DIP2B: variants seen among roughly 807,000 people sequenced by gnomAD.
The protein encoded by DIP2B is disco-interacting protein 2 homolog B.
DIP2B carries 76 observed loss-of-function variants against 198.0 expected under a neutral mutation model. The observed-to-expected ratio is 0.38, with a 90% CI of 0.32 to 0.46. The LOEUF is 0.46. Among genes scored for constraint, DIP2B ranks in the 20% least tolerant of loss-of-function variants. DIP2B has a pLI of 0.99. For missense variants in DIP2B, 1,559 were observed against 1,978.4 expected (o/e 0.79, Z 4.02); for synonymous variants, 701 against 739.1 (o/e 0.95, Z 0.84).
chr12:50,711,771 G>T (rs1939620959), intron 22 of DIP2B, among the ~76,000 whole-genome samples: 1 of 152,110 alleles, frequency 6.6e-6, no homozygotes, highest in South Asian at 2.1e-4. Context: ...CGCTGGCCAG[G>T]CTGGTCTCAA....
intron 3 of DIP2B, among the ~76,000 whole-genome samples, chr12:50,641,513 T>C (rs1455610977): frequency 3.9e-5 from 6 of 152,202 alleles, no homozygotes; most frequent in Admixed American, 1.3e-4. Context: ...GTGGATTCTA[T>C]TGGAAGAGGC....
chr12:50,602,669 G>A (rs1436441036), intron 1 of DIP2B, among the ~76,000 whole-genome samples: 1 of 151,890 alleles, frequency 6.6e-6, no homozygotes. Context: ...GACCATCCTG[G>A]CCAACATGGT....
chr12:50,513,257 TCACTC>T (rs1012717661), intron 1 of DIP2B, among the ~76,000 whole-genome samples: 2 of 152,184 alleles, frequency 1.3e-5, no homozygotes, highest in Non-Finnish European at 2.9e-5. Context: ...AAGTAAGCCT[TCACTC>T]CATCATCAGT....
chr12:50,559,403 A>G (rs986276615), intron 1 of DIP2B, among the ~76,000 whole-genome samples: 1 of 150,488 alleles, frequency 6.6e-6, no homozygotes, highest in Non-Finnish European at 1.5e-5. Flanking sequence ...TATTATACCA[A>G]TTTTATCTCA....
intron 1 of DIP2B, among the ~76,000 whole-genome samples, chr12:50,518,771 T>C (rs1958089279): frequency 6.7e-6 from 1 of 150,162 alleles, no homozygotes; most frequent in African/African-American, 2.4e-5. Flanking sequence ...GTTTGTTTTT[T>C]TGAGACAAGG....
chr12:50,545,180 G>A (rs915541764), intron 1 of DIP2B, among the ~76,000 whole-genome samples: 6 of 152,112 alleles, frequency 3.9e-5, no homozygotes, highest in South Asian at 4.1e-4. Context: ...TGGTCTTAGG[G>A]TATGCGAATG....
intron 5 of DIP2B, among the ~76,000 whole-genome samples, chr12:50,674,094 T>C (rs1198679314): frequency 1.3e-5 from 2 of 152,180 alleles, no homozygotes; most frequent in Non-Finnish European, 2.9e-5. Context: ...ACTGCAATAT[T>C]AGTAGCCAGT....
chr12:50,643,636 G>A, intron 3 of DIP2B, among the ~76,000 whole-genome samples: 1 of 152,080 alleles, frequency 6.6e-6, no homozygotes, highest in Admixed American at 6.5e-5. Context: ...ATTAGGAATT[G>A]CTCAACTAAA....
chr12:50,722,004 C>T (rs998564565), intron 26 of DIP2B, among the ~76,000 whole-genome samples: 6 of 103,926 alleles, frequency 5.8e-5, no homozygotes, highest in East Asian at 7.1e-4. Flanking sequence ...TTTCATATTA[C>T]GATTTAGTCT....
At chr12:50,703,650 C>T (rs1939461247) in intron 19 of DIP2B, among the ~76,000 whole-genome samples, 1 of 152,170 alleles carries the variant, frequency 6.6e-6, no homozygotes, top group African/African-American at 2.4e-5. Flanking sequence ...GCACAGAGTA[C>T]TCCATTAAGT....
intron 1 of DIP2B, among the ~76,000 whole-genome samples, chr12:50,589,525 G>A (rs968826251): frequency 6.6e-6 from 1 of 152,124 alleles, no homozygotes; most frequent in Non-Finnish European, 1.5e-5. Flanking sequence ...CCTTTCTGAA[G>A]AGGTGACATT....
chr12:50,640,679 C>T, intron 2 of DIP2B, 45 bp from the exon 3 acceptor site: 2 of 1,603,336 alleles, frequency 1.2e-6, no homozygotes, highest in South Asian at 2.2e-5. Flanking sequence ...AAAATGTTAG[C>T]TATTACTGTT....
chr12:50,564,966 T>C (rs12099615), intron 1 of DIP2B, among the ~76,000 whole-genome samples: 9,768 of 152,218 alleles, frequency 0.064, 734 homozygotes, highest in East Asian at 0.36. Context: ...TCTGCACGTA[T>C]TGAGGCCATT....
intron 1 of DIP2B, among the ~76,000 whole-genome samples, chr12:50,523,302 T>C (rs1266428878): frequency 6.6e-6 from 1 of 152,154 alleles, no homozygotes; most frequent in Non-Finnish European, 1.5e-5. Context: ...GAAAATACTA[T>C]GTCAATAGTT....
chr12:50,728,257 T>C (rs900626619), intron 29 of DIP2B, among the ~76,000 whole-genome samples: 1 of 151,950 alleles, frequency 6.6e-6, no homozygotes, highest in Non-Finnish European at 1.5e-5. Context: ...TGCGTGCCTG[T>C]AATCCCAGCT....
intron 2 of DIP2B, among the ~76,000 whole-genome samples, chr12:50,639,873 C>G (rs970148040): frequency 1.3e-5 from 2 of 152,098 alleles, no homozygotes; most frequent in African/African-American, 4.8e-5. Flanking sequence ...TATGGGACAT[C>G]TAAGAGAGTC....
chr12:50,646,968 T>A (rs555206744), intron 3 of DIP2B, among the ~76,000 whole-genome samples: 57 of 151,528 alleles, frequency 3.8e-4, no homozygotes, highest in African/African-American at 1.3e-3. Context: ...ACTTCCTATA[T>A]TTTGAGAAAA....
At chr12:50,704,291 A>G in intron 20 of DIP2B, 71 bp downstream of exon 20, 1 of 1,473,524 alleles carries the variant, frequency 6.8e-7, no homozygotes, top group Non-Finnish European at 9.3e-7. Context: ...ACAGAACAGA[A>G]CAAATTCTGA....
At chr12:50,708,409 G>A (rs1330430368) in intron 21 of DIP2B, 39 bp from the exon 22 acceptor site, 66 of 1,531,996 alleles carry the variant, frequency 4.3e-5, no homozygotes, top group Non-Finnish European at 5.8e-5. Context: ...AGGACTGGTT[G>A]TGAAGGGAGT....
Sources: allele counts gnomAD v4.1 joint callset (sites outside exome capture counted in the v4.1 genomes callset), GRCh38; gene constraint gnomAD v4.1.1; transcripts MANE v1.5; gene names NCBI Gene and HGNC (gene_info 2026-07-23, HGNC 2026-07-21).